Variants in FAT1 observed in about 807,000 individuals in gnomAD.
The protein encoded by FAT1 is protocadherin Fat 1.
Under a neutral mutation model 329.8 loss-of-function variants are expected in FAT1, and 171 were observed. The observed-to-expected ratio is 0.52, with a 90% confidence interval of 0.46 to 0.59. The LOEUF (loss-of-function observed/expected upper bound fraction) is 0.59. Ranked by LOEUF, FAT1 falls within the 20% of genes least tolerant of loss-of-function variation. The pLI is 0.00. For missense variants in FAT1, 5,672 were observed against 5,774.4 expected, an observed-to-expected ratio of 0.98 and a Z score of 0.57; for synonymous variants, 2,233 against 2,228.6, an observed-to-expected ratio of 1.00 and a Z score of -0.06.
At chr4:186,671,361 G>A (rs1742717082) in intron 2 of FAT1, among the ~76,000 whole-genome samples, 2 of 152,022 alleles carry the variant, frequency 1.3e-5, no homozygotes, top group Admixed American at 1.3e-4. Flanking sequence ...GCTGTAAAAC[G>A]AGTTTAATAT....
chr4:186,657,701 A>T (rs909978720), intron 3 of FAT1, among the ~76,000 whole-genome samples: 1 of 152,208 alleles, frequency 6.6e-6, no homozygotes. Flanking sequence ...TTGTAGCAAA[A>T]ACGTGAAAAA....
chr4:186,643,788 T>TCC (rs111521404), intron 3 of FAT1, among the ~76,000 whole-genome samples: 12 of 131,104 alleles, frequency 9.2e-5, no homozygotes, highest in East Asian at 2.3e-4. Flanking sequence ...CTGCTCCTCA[T>TCC]CCCCCCCCCA....
intron 10 of FAT1, 30 bp from the exon 11 acceptor site, chr4:186,617,231 CA>C (rs1739756863): frequency 6.9e-7 from 1 of 1,450,700 alleles, no homozygotes; most frequent in African/African-American, 1.4e-5. Context: ...AGATAATAAT[CA>C]AATTTGTTGA....
At chr4:186,642,259 C>T (rs758712026) in intron 3 of FAT1, among the ~76,000 whole-genome samples, 13 of 152,120 alleles carry the variant, frequency 8.5e-5, no homozygotes, top group Admixed American at 2.0e-4. Context: ...CAGGGCCTGG[C>T]GTGGGTTCCT....
At chr4:186,638,618 C>T (rs1740947899) in intron 4 of FAT1, among the ~76,000 whole-genome samples, 1 of 88,846 alleles carries the variant, frequency 1.1e-5, no homozygotes, top group Non-Finnish European at 2.4e-5. Flanking sequence ...TCCCAATGCA[C>T]ACACACACAC....
chr4:186,716,562 G>A (rs1228342728), intron 1 of FAT1, among the ~76,000 whole-genome samples: 1 of 151,818 alleles, frequency 6.6e-6, no homozygotes, highest in African/African-American at 2.4e-5. Context: ...GGGGTACCTG[G>A]GCGTACCACC....
chr4:186,699,574 T>C (rs1054003064), intron 2 of FAT1, among the ~76,000 whole-genome samples: 3 of 152,176 alleles, frequency 2.0e-5, no homozygotes, highest in African/African-American at 7.2e-5. Context: ...CATGTGCCCT[T>C]GAACGGCAAT....
In FAT1 at chr4:186,617,928, T is replaced by C. The variant is rs1247785132; in HGVS notation, c.8658A>G (p.Lys2886=). ...TTTCACCATGATCTGATGCAACCAC[T>C]TTAATCTGGTAATTGTCTCTCTTTT... ...DHEKRDNYQI[K]VVASDHGEKI... is the part of the protein sequence containing the mutation. The change falls in exon 10 of 27, where the codon AAA becomes AAG. Residue 2886 remains lysine (K), a synonymous_variant. Transcript: ENST00000441802. 3 of 1,614,026 alleles carry C rather than the reference T, an allele frequency of 1.9e-6. No individual in the cohort carries two copies. Among genetic ancestry groups the C allele is most frequent in the Admixed American group, 1.7e-5 (1 of 60,026 alleles).
chr4:186,619,387 C>T lies in FAT1; in HGVS notation c.7199G>A (p.Ser2400Asn), dbSNP rs1422565998. The T allele has an allele frequency of 1.2e-6, 2 of 1,614,004 alleles. No homozygotes were observed. Among genetic ancestry groups the T allele is most frequent in the Non-Finnish European group, 1.7e-6 (2 of 1,179,894 alleles). Residue 2400 changes from serine (S) to asparagine (N), a missense_variant, in exon 10 of 27, where the codon AGC becomes AAC. Ser to Asn is a conservative substitution (Grantham distance 46). Around this residue, in one of 2 missense-constraint regions of FAT1, gnomAD observed 3,966 missense variants for 3,915.2 expected, o/e 1.01. Coordinates refer to ENST00000441802, the MANE Select transcript of FAT1 (RefSeq NM_005245.4). ...GAAATGCCCATGAGGGGCGTGCTCG[C>T]TAATTCTGGCTTCATAAATCTGTTG... is the stretch of plus-strand genomic sequence containing the variant. ...FEQQIYEARI[S>N]EHAPHGHFVT... is the part of the protein sequence containing the mutation.
chr4:186,619,130 T>C lies in FAT1; in HGVS notation c.7456A>G (p.Asn2486Asp), dbSNP rs1480223162. The C allele has an allele frequency of 6.2e-7, 1 of 1,614,004 alleles. No homozygotes were observed. The highest frequency in any genetic ancestry group is 1.7e-5 in the Admixed American group (1 of 60,034). ...TQVHVTVIGGNLHSPAFLQNE... is the reference protein window; with the variant it reads ...TQVHVTVIGGDLHSPAFLQNE... ...TGAAGGAAAGCAGGACTGTGCAAAT[T>C]GCCTCCAATTACAGTTACATGAACC... Residue 2486 changes from asparagine to aspartate, a missense_variant, in exon 10 of 27, where the codon AAT becomes GAT. Physicochemically the swap from Asn to Asp is conservative, Grantham distance 23 (BLOSUM62 1). Transcript: ENST00000441802.
intron 3 of FAT1, among the ~76,000 whole-genome samples, chr4:186,643,788 T>TCCCC (rs111521404): frequency 1.5e-5 from 2 of 131,108 alleles, no homozygotes; most frequent in Admixed American, 8.0e-5. Flanking sequence ...CTGCTCCTCA[T>TCCCC]CCCCCCCCCA....
chr4:186,618,892 G>A lies in FAT1; in HGVS notation c.7694C>T (p.Ser2565Leu), dbSNP rs1390713115. The A allele has an allele frequency of 1.2e-6, 2 of 1,613,870 alleles. No individual in the cohort carries two copies. Among genetic ancestry groups the A allele is most frequent in the Non-Finnish European group, 1.7e-6 (2 of 1,179,894 alleles). ...DRETPAEKVISVRLMAKDAGG... is the reference protein window; with the variant it reads ...DRETPAEKVILVRLMAKDAGG... ...AGCATCCTTAGCCATTAAACGGACT[G>A]AGATCACTTTCTCCGCCGGGGTTTC... The change falls in exon 10 of 27, where the codon TCA (serine) becomes TTA (leucine). Residue 2565 changes from serine to leucine, a missense_variant. Transcript: ENST00000441802.
intron 4 of FAT1, among the ~76,000 whole-genome samples, chr4:186,639,021 C>T (rs758641475): frequency 6.6e-6 from 1 of 152,124 alleles, no homozygotes; most frequent in Non-Finnish European, 1.5e-5. Flanking sequence ...CCAAATTACT[C>T]GCGGCCTTTT....
At chr4:186,592,872 TAA>T in intron 26 of FAT1, 1 of 413,282 alleles carries the variant, frequency 2.4e-6, no homozygotes, top group South Asian at 1.8e-5. Flanking sequence ...ATGAGTGCTT[TAA>T]TACAACCACA....
chr4:186,721,985 T>G (rs974044501), intron 1 of FAT1, among the ~76,000 whole-genome samples: 4 of 152,150 alleles, frequency 2.6e-5, no homozygotes, highest in African/African-American at 9.7e-5. Flanking sequence ...ATTACAGGCA[T>G]GCACCACCAC....
chr4:186,607,623 G>A (rs1264693048), intron 16 of FAT1, among the ~76,000 whole-genome samples: 2 of 151,736 alleles, frequency 1.3e-5, no homozygotes, highest in Non-Finnish European at 2.9e-5. Flanking sequence ...GGATGGGTAA[G>A]TGAATAGATA....
At chr4:186,714,841 A>G (rs1745133732) in intron 1 of FAT1, among the ~76,000 whole-genome samples, 1 of 152,230 alleles carries the variant, frequency 6.6e-6, no homozygotes, top group Admixed American at 6.5e-5. Context: ...GCACTTCGGG[A>G]GGCCGAGGCA....
rs2126705985 is a variant in FAT1 at position 186,709,685 on chromosome 4, G to A, written c.143C>T (p.Ala48Val). 3 of 1,613,982 alleles carry A rather than the reference G, an allele frequency of 1.9e-6. No individual in the cohort carries two copies. The highest frequency in any genetic ancestry group is 2.5e-6 in the Non-Finnish European group (3 of 1,179,890). ...AGGATGCCCCACATAAGTCTTAGCT[G>A]CAGAGTTCTCCTGCACGGTGACGTT... Reference protein sequence around the residue: ...EYNVTVQENSAAKTYVGHPVK... With the variant: ...EYNVTVQENSVAKTYVGHPVK... Residue 48 changes from alanine to valine, a missense_variant, in exon 2 of 27, where the codon GCA (alanine) becomes GTA (valine). Physicochemically the swap from Ala to Val is moderately conservative, Grantham distance 64. Coordinates refer to ENST00000441802, the MANE Select transcript of FAT1 (RefSeq NM_005245.4).
At chr4:186,608,636 G>A (rs1454541346) in intron 16 of FAT1, among the ~76,000 whole-genome samples, 3 of 152,146 alleles carry the variant, frequency 2.0e-5, no homozygotes, top group African/African-American at 7.2e-5. Flanking sequence ...ACCTTCCTCA[G>A]CTCACAAATG....
Sources: gnomAD v4.1 joint callset for allele counts (sites outside exome capture counted in the v4.1 genomes callset) on GRCh38, gnomAD v4.1.1 for gene constraint, gnomAD v4.1.1 regional missense constraint, MANE v1.5 for transcripts, NCBI Gene and HGNC (gene_info 2026-07-23, HGNC 2026-07-21) for gene names.